The following CNTN1 variants were observed in gnomAD, a reference collection of about 807,000 sequenced individuals.
CNTN1 encodes the protein contactin 1.
Under a neutral mutation model 126.4 loss-of-function variants are expected in CNTN1, and 38 were observed. The ratio of observed to expected loss-of-function variants is 0.30; its 90% CI spans 0.23 to 0.39. The LOEUF (loss-of-function observed/expected upper bound fraction) is 0.39. CNTN1 is among the 10% of genes least tolerant of loss of function. CNTN1 has a pLI of 1.00. For synonymous variants in CNTN1, 413 were observed against 422.6 expected (o/e 0.98, Z 0.28); for missense variants, 1,009 against 1,248.4 (o/e 0.81, Z 2.89).
At chr12:40,731,624 A>G (rs901619369) in intron 1 of CNTN1, among the ~76,000 whole-genome samples, 34 of 152,158 alleles carry the variant, frequency 2.2e-4, no homozygotes, top group African/African-American at 7.9e-4. Flanking sequence ...CAAGTATGCA[A>G]TATACCATAG....
At chr12:40,841,067 C>A (rs1257134233) in intron 1 of CNTN1, among the ~76,000 whole-genome samples, 1 of 151,742 alleles carries the variant, frequency 6.6e-6, no homozygotes, top group Non-Finnish European at 1.5e-5. Flanking sequence ...CTAAACTAAT[C>A]AAGCAGAAAG....
chr12:40,702,190 C>T (rs1941613486), intron 1 of CNTN1, among the ~76,000 whole-genome samples: 1 of 152,062 alleles, frequency 6.6e-6, no homozygotes, highest in South Asian at 2.1e-4. Context: ...CCCTGCTCAG[C>T]CTCCCAGAGT....
chr12:40,714,659 A>AT (rs896581671), intron 1 of CNTN1, among the ~76,000 whole-genome samples: 2 of 152,118 alleles, frequency 1.3e-5, no homozygotes, highest in Admixed American at 6.6e-5. Context: ...TTTAACATGA[A>AT]TTTTTTTTAT....
intron 1 of CNTN1, chr12:40,729,527 G>T: frequency 4.5e-6 from 1 of 222,136 alleles, no homozygotes. Context: ...CCTCATGCAA[G>T]CCATCAATGC....
intron 1 of CNTN1, chr12:40,763,076 T>G (rs1362158418): frequency 6.6e-6 from 1 of 152,294 alleles, no homozygotes; most frequent in African/African-American, 2.4e-5. Context: ...CCATCTTCAC[T>G]TCTCTTCCTC....
At chr12:40,703,452 T>C (rs113027094) in intron 1 of CNTN1, among the ~76,000 whole-genome samples, 3,934 of 152,302 alleles carry the variant, frequency 0.026, 83 homozygotes, top group Non-Finnish European at 0.041. Flanking sequence ...ACGTAGTAGA[T>C]ACGTAATTTT....
intron 1 of CNTN1, among the ~76,000 whole-genome samples, chr12:40,834,988 C>A (rs188469425): frequency 8.5e-5 from 13 of 152,168 alleles, no homozygotes; most frequent in African/African-American, 3.1e-4. Flanking sequence ...CTACGGGGAC[C>A]TGGCTGGAAA....
At chr12:41,028,079 C>A in intron 22 of CNTN1, 110 bp downstream of exon 22, 4 of 748,270 alleles carry the variant, frequency 5.3e-6, no homozygotes, top group Non-Finnish European at 9.4e-6. Context: ...TCACCCAGAC[C>A]GGAGTGCAGT....
intron 1 of CNTN1, among the ~76,000 whole-genome samples, chr12:40,817,785 T>C (rs573701963): frequency 3.3e-5 from 5 of 152,272 alleles, no homozygotes; most frequent in African/African-American, 1.2e-4. Flanking sequence ...TTTTGGTGTG[T>C]TTTTGCAGTG....
Position 40,818,579 on chromosome 12 carries a change from T to C in CNTN1, c.-76-89778T>C, listed in dbSNP as rs886639035. 2.0e-5 allele frequency among the ~76,000 whole-genome samples: 3 copies of C among 152,216 alleles called. No homozygotes were observed. In the South Asian group the frequency reaches 6.2e-4, roughly 32 times the overall value. ...AGTTAGTAATTTCTCTAACCTTTTA[T>C]CAAGGTTCTTAGCTTCTTTGCATTG... On this transcript the variant is annotated intron_variant, in intron 1 of 23. Coordinates refer to ENST00000551295, the MANE Select transcript of CNTN1 (RefSeq NM_001843.4).
rs777124815 is a variant in CNTN1 at position 40,981,066 on chromosome 12, A to C, written c.1962A>C (p.Thr654=). 1 of 1,612,410 alleles carries C rather than the reference A, an allele frequency of 6.2e-7. No homozygotes were observed. The highest frequency in any genetic ancestry group is 1.1e-5 in the South Asian group (1 of 91,026). Residue 654 remains threonine, a splice_region_variant and synonymous_variant, in exon 16 of 24, where the codon ACA becomes ACC. Coordinates refer to ENST00000551295, the MANE Select transcript of CNTN1 (RefSeq NM_001843.4). The part of the protein sequence containing the change: ...ILSDDWKDAK[T]DPPIIEGNME... The stretch of plus-strand genomic sequence containing the variant: ...CAGATGACTGGAAAGATGCAAAGAC[A>C]GGTGAGTTTTATTTGTCTGATTAAT...
intron 1 of CNTN1, among the ~76,000 whole-genome samples, chr12:40,813,492 A>G (rs555030353): frequency 2.0e-5 from 3 of 151,356 alleles, no homozygotes; most frequent in Non-Finnish European, 4.4e-5. Context: ...ATGCCTTCCA[A>G]CCTCATCCGT....
intron 1 of CNTN1, among the ~76,000 whole-genome samples, chr12:40,812,389 T>C (rs1448611804): frequency 6.6e-6 from 1 of 152,124 alleles, no homozygotes; most frequent in Non-Finnish European, 1.5e-5. Context: ...ATGTCTTGTG[T>C]TCACTTTGTC....
intron 1 of CNTN1, among the ~76,000 whole-genome samples, chr12:40,753,882 T>G (rs1011632691): frequency 4.6e-5 from 7 of 152,164 alleles, no homozygotes; most frequent in Non-Finnish European, 8.8e-5. Flanking sequence ...TATTATGAAT[T>G]TTAATTGTTC....
intron 1 of CNTN1, among the ~76,000 whole-genome samples, chr12:40,872,685 C>G (rs1473579198): frequency 6.7e-6 from 1 of 150,146 alleles, no homozygotes. Flanking sequence ...ATTCTCCTGC[C>G]TCAGCCTCCT....
intron 16 of CNTN1, among the ~76,000 whole-genome samples, chr12:40,992,359 T>A (rs190266726): frequency 6.6e-6 from 1 of 152,296 alleles, no homozygotes; most frequent in East Asian, 1.9e-4. Context: ...AGATATTGCG[T>A]CATAGACAAG....
intron 12 of CNTN1, among the ~76,000 whole-genome samples, chr12:40,939,903 T>C (rs542473684): frequency 6.6e-6 from 1 of 152,192 alleles, no homozygotes; most frequent in Admixed American, 6.5e-5. Context: ...TGTAGAAAAA[T>C]AAAAAGGTGA....
intron 7 of CNTN1, among the ~76,000 whole-genome samples, chr12:40,930,285 T>C (rs547597461): frequency 6.6e-6 from 1 of 152,140 alleles, no homozygotes; most frequent in African/African-American, 2.4e-5. Flanking sequence ...GTGTATTGGT[T>C]ACAGTGGAAA....
At position 40,998,560 on chromosome 12, in the gene CNTN1, A is replaced by G. The variant is rs1266088037; in HGVS notation, c.2113+5291A>G. Among the ~76,000 whole-genome samples the G allele has an allele frequency of 2.0e-5, 3 of 152,142 alleles. 1 individual carries two copies. Among genetic ancestry groups the G allele is most frequent in the South Asian group, 4.1e-4 (2 of 4,828 alleles). ...GTGGATTATATTAGGGGTGTTAGCA[A>G]TCCACTCCTCTATCAGAGCAAGCGC... On this transcript the variant is annotated intron_variant, in intron 17 of 23. Coordinates refer to ENST00000551295, the MANE Select transcript of CNTN1 (RefSeq NM_001843.4).
Sources: gnomAD v4.1 joint callset for allele counts (sites outside exome capture counted in the v4.1 genomes callset) on GRCh38, gnomAD v4.1.1 for gene constraint, MANE v1.5 for transcripts, NCBI Gene and HGNC (gene_info 2026-07-23, HGNC 2026-07-21) for gene names.